Variants in SORCS2 observed in about 807,000 individuals in gnomAD.
SORCS2 encodes the protein VPS10 domain-containing receptor SorCS2.
SORCS2 carries 100 observed loss-of-function variants against 141.6 expected under a neutral mutation model. That is an observed-to-expected ratio of 0.71 (90% CI 0.60 to 0.83). SORCS2 has a LOEUF of 0.83. SORCS2 is among the 40% of genes least tolerant of loss of function. SORCS2 has a pLI of 0.00. For synonymous variants in SORCS2, 789 were observed against 676.9 expected, an observed-to-expected ratio of 1.17 and a Z score of -2.57; for missense variants, 1,646 against 1,560.2, an observed-to-expected ratio of 1.05 and a Z score of -0.93.
At chr4:7,415,988 G>A (rs1725639147) in intron 2 of SORCS2, among the ~76,000 whole-genome samples, 1 of 152,202 alleles carries the variant, frequency 6.6e-6, no homozygotes. Context: ...GAAACATGAT[G>A]TGCAGAAACA....
intron 3 of SORCS2, among the ~76,000 whole-genome samples, chr4:7,609,789 C>T (rs1040532479): frequency 3.9e-5 from 6 of 152,222 alleles, no homozygotes; most frequent in Admixed American, 1.3e-4. Flanking sequence ...CAAGGGTCTC[C>T]GCTGCGCACT....
chr4:7,466,931 C>T (rs1466155270), intron 2 of SORCS2, among the ~76,000 whole-genome samples: 1 of 152,166 alleles, frequency 6.6e-6, no homozygotes, highest in African/African-American at 2.4e-5. Context: ...GGGAGGCACC[C>T]TGCTGCCTTT....
At chr4:7,413,891 T>G (rs1176705677) in intron 2 of SORCS2, among the ~76,000 whole-genome samples, 1 of 152,126 alleles carries the variant, frequency 6.6e-6, no homozygotes, top group African/African-American at 2.4e-5. Context: ...CTGTGTGCCC[T>G]TTTCCTCCTG....
chr4:7,365,814 C>G (rs36024960), intron 1 of SORCS2, among the ~76,000 whole-genome samples: 11,071 of 152,196 alleles, frequency 0.073, 436 homozygotes, highest in South Asian at 0.14. Context: ...CTTGAGAGAG[C>G]GAGCCAGGCA....
intron 1 of SORCS2, among the ~76,000 whole-genome samples, chr4:7,209,689 T>G (rs1315782823): frequency 1.3e-5 from 2 of 151,920 alleles, no homozygotes; most frequent in African/African-American, 4.8e-5. Context: ...GTTTTTTTTT[T>G]TTTAATCTTT....
intron 9 of SORCS2, among the ~76,000 whole-genome samples, chr4:7,676,749 C>T (rs7654432): frequency 3.2e-5 from 2 of 62,950 alleles, no homozygotes; most frequent in Admixed American, 1.6e-4. Flanking sequence ...TCTCCACCCC[C>T]GCCCTGTCAT....
chr4:7,476,681 C>T (rs761249890), intron 2 of SORCS2, among the ~76,000 whole-genome samples: 2 of 152,176 alleles, frequency 1.3e-5, no homozygotes, highest in Non-Finnish European at 2.9e-5. Flanking sequence ...GCAGGGCGGC[C>T]ATGCCTCCTG....
At chr4:7,544,656 C>G (rs1033475477) in intron 3 of SORCS2, among the ~76,000 whole-genome samples, 1 of 152,224 alleles carries the variant, frequency 6.6e-6, no homozygotes, top group African/African-American at 2.4e-5. Flanking sequence ...CAGCTCAGCA[C>G]AAAACAAGAG....
chr4:7,241,894 C>T (rs191060557), intron 1 of SORCS2, among the ~76,000 whole-genome samples: 20 of 152,286 alleles, frequency 1.3e-4, no homozygotes, highest in African/African-American at 3.6e-4. Flanking sequence ...GTTTAGCTGA[C>T]GGTGTTGAGC....
In SORCS2 at chr4:7,741,451, TG is replaced by T. The variant is rs140001790; in HGVS notation, c.*1194del. ...GTAAGTCTATAGGAATATAGGGGGG[TG>T]GGGGGGTCACCTTTTGCCTTGAAAT... On this transcript the variant is annotated 3_prime_UTR_variant, in exon 27 of 27. Coordinates refer to ENST00000507866, the MANE Select transcript of SORCS2 (RefSeq NM_020777.3). 6.8e-5 allele frequency: 7 copies of T among 102,654 alleles called. 1 individual carries two copies. In the East Asian group the frequency reaches 1.6e-3, roughly 23 times the overall value. 6.4% of individuals were successfully genotyped at this position (102,654 alleles called of 1,614,324 possible). A position where few individuals can be genotyped will look rare whatever the true frequency, so the allele number is the denominator to read the frequency against.
chr4:7,320,567 G>A (rs12650279), intron 1 of SORCS2, among the ~76,000 whole-genome samples: 57,238 of 151,848 alleles, frequency 0.38, 10,817 homozygotes, highest in Middle Eastern at 0.42. Context: ...TCTGCCAGAC[G>A]GCTGCAGGTG....
At position 7,726,746 on chromosome 4, in the gene SORCS2, G is replaced by A. The variant is rs570173577; in HGVS notation, c.2746-34G>A. Reference sequence around the variant, plus strand: ...GTCCCCCACGGCCGCTGCCTCACTCGGCCAGGCCCCTAAGCCCTGCTGTGC... The same window carrying A: ...GTCCCCCACGGCCGCTGCCTCACTCAGCCAGGCCCCTAAGCCCTGCTGTGC... On this transcript the variant is annotated intron_variant, in intron 20 of 26. Coordinates refer to ENST00000507866, the MANE Select transcript of SORCS2 (RefSeq NM_020777.3). The A allele has an allele frequency of 1.2e-5, 20 of 1,606,832 alleles. No individual in the cohort carries two copies. In the East Asian group the frequency reaches 1.8e-4, roughly 14 times the overall value.
At chr4:7,525,678 A>C (rs112764911) in intron 2 of SORCS2, among the ~76,000 whole-genome samples, 6,804 of 143,800 alleles carry the variant, frequency 0.047, 214 homozygotes, top group Admixed American at 0.099. Flanking sequence ...CCTGTCCCCA[A>C]CTCAGTCACC....
chr4:7,321,175 A>T (rs1037254506), intron 1 of SORCS2, among the ~76,000 whole-genome samples: 1 of 152,094 alleles, frequency 6.6e-6, no homozygotes, highest in Non-Finnish European at 1.5e-5. Flanking sequence ...GCTCCCATTT[A>T]TAAGTGAGAA....
intron 4 of SORCS2, among the ~76,000 whole-genome samples, chr4:7,639,875 G>A (rs1720544040): frequency 6.6e-6 from 1 of 151,690 alleles, no homozygotes; most frequent in Non-Finnish European, 1.5e-5. Flanking sequence ...TTGCGTGTAT[G>A]AGTGCATGGG....
intron 1 of SORCS2, among the ~76,000 whole-genome samples, chr4:7,370,832 T>A (rs1388339648): frequency 2.0e-5 from 3 of 152,174 alleles, no homozygotes; most frequent in Non-Finnish European, 2.9e-5. Context: ...GTGGCTTCCA[T>A]GCTTACCGGC....
chr4:7,340,283 T>G (rs73208499), intron 1 of SORCS2, among the ~76,000 whole-genome samples: 2 of 152,202 alleles, frequency 1.3e-5, no homozygotes, highest in African/African-American at 4.8e-5. Flanking sequence ...TGATGGAGTG[T>G]GGCCATGCCA....
rs562142518 is a variant in SORCS2, at chr4:7,353,739, G to A, written c.481-42549G>A. Among the ~76,000 whole-genome samples the A allele has an allele frequency of 7.2e-5, 11 of 152,290 alleles. No individual in the cohort carries two copies. The East Asian group carries it at 2.1e-3, about 29-fold the overall frequency. The stretch of plus-strand genomic sequence containing the variant: ...GGTCGTGTTTGTCAGGGAGCCCAGG[G>A]GCTGGCTGGCTAGGGGTGGGGTTGC... On this transcript the variant is annotated intron_variant, in intron 1 of 26. Transcript: ENST00000507866.
intron 1 of SORCS2, among the ~76,000 whole-genome samples, chr4:7,210,764 A>G (rs1728017046): frequency 6.6e-6 from 1 of 152,384 alleles, no homozygotes; most frequent in East Asian, 1.9e-4. Flanking sequence ...AATGAGGGCA[A>G]AAGTGCTGGG....
Sources: allele counts gnomAD v4.1 joint callset (sites outside exome capture counted in the v4.1 genomes callset), GRCh38; gene constraint gnomAD v4.1.1; transcripts MANE v1.5; gene names NCBI Gene and HGNC (gene_info 2026-07-23, HGNC 2026-07-21).